TMEM38A: variants seen among roughly 807,000 people sequenced by gnomAD.
The protein encoded by TMEM38A is transmembrane protein 38A.
A neutral mutation model predicts 28.6 loss-of-function variants in TMEM38A; 17 were observed. The ratio of observed to expected loss-of-function variants is 0.60; its 90% CI spans 0.41 to 0.89. The LOEUF (loss-of-function observed/expected upper bound fraction) is 0.89. TMEM38A is among the 40% of genes least tolerant of loss of function. TMEM38A has a pLI of 0.00. For synonymous variants in TMEM38A, 169 were observed against 166.1 expected (o/e 1.02, Z -0.14); for missense variants, 328 against 393.1 (o/e 0.83, Z 1.40).
At chr19:16,674,072 C>A (rs952855680) in intron 1 of TMEM38A, among the ~76,000 whole-genome samples, 4 of 151,120 alleles carry the variant, frequency 2.6e-5, no homozygotes, top group Admixed American at 2.0e-4. Context: ...GGTGACAGAG[C>A]GAGATGCTGT....
chr19:16,664,430 A>G (rs2086694998), intron 1 of TMEM38A, among the ~76,000 whole-genome samples: 1 of 152,088 alleles, frequency 6.6e-6, no homozygotes, highest in African/African-American at 2.4e-5. Context: ...CTTGGAAAAA[A>G]GAAAGAAAGA....
intron 1 of TMEM38A, among the ~76,000 whole-genome samples, chr19:16,678,497 C>A (rs1028115310): frequency 2.7e-5 from 4 of 149,874 alleles, no homozygotes; most frequent in African/African-American, 9.8e-5. Context: ...TGGTGTCTCA[C>A]GTCTATAATC....
In TMEM38A at chr19:16,688,430, G is replaced by A; in HGVS notation, c.*59G>A. Reference sequence around the variant, plus strand: ...GGACCCAGGACCCTCTGAGCTGGGAGGCTTCCTGCGCTCAGATCTATCCTT... The same window carrying A: ...GGACCCAGGACCCTCTGAGCTGGGAAGCTTCCTGCGCTCAGATCTATCCTT... On this transcript the variant is annotated 3_prime_UTR_variant, in exon 6 of 6. Coordinates refer to ENST00000187762, the MANE Select transcript of TMEM38A (RefSeq NM_024074.4). 7.4e-7 allele frequency: 1 copy of A among 1,342,348 alleles called. No homozygotes were observed. The allele number at this position is 1,342,348 out of a possible 1,614,324, so 83.2% of individuals were successfully genotyped here.
intron 1 of TMEM38A, among the ~76,000 whole-genome samples, chr19:16,666,958 A>G (rs1042740798): frequency 1.3e-5 from 2 of 148,942 alleles, no homozygotes; most frequent in Admixed American, 1.3e-4. Flanking sequence ...ATCTCAAAAA[A>G]AAAAAAAAGA....
At chr19:16,676,739 G>A (rs1178906390) in intron 1 of TMEM38A, among the ~76,000 whole-genome samples, 1 of 146,342 alleles carries the variant, frequency 6.8e-6, no homozygotes, top group Non-Finnish European at 1.5e-5. Context: ...TACCCCGAGT[G>A]TTGCATTTTC....
At chr19:16,680,342 C>A in intron 2 of TMEM38A, 55 bp from the exon 3 acceptor site, 1 of 1,595,702 alleles carries the variant, frequency 6.3e-7, no homozygotes, top group Non-Finnish European at 8.6e-7. Context: ...AGCTCCCTAC[C>A]CCCATCCTTC....
At chr19:16,681,651 A>C (rs1227100188) in intron 3 of TMEM38A, among the ~76,000 whole-genome samples, 1 of 152,186 alleles carries the variant, frequency 6.6e-6, no homozygotes, top group Non-Finnish European at 1.5e-5. Flanking sequence ...GTCCTCAGTT[A>C]TTCCTTGCTA....
At chr19:16,673,035 A>G (rs561049185) in intron 1 of TMEM38A, among the ~76,000 whole-genome samples, 36 of 151,488 alleles carry the variant, frequency 2.4e-4, no homozygotes, top group Admixed American at 1.2e-3. Flanking sequence ...AGGTTGAAAA[A>G]CCCTGATCAA....
In TMEM38A at chr19:16,680,445, C is replaced by T. The variant is rs781028200; in HGVS notation, c.330C>T (p.Cys110=). 30 of 1,614,080 alleles carry T rather than the reference C, an allele frequency of 1.9e-5. No individual in the cohort carries two copies. In the Admixed American group the frequency reaches 3.2e-4, roughly 17 times the overall value. Residue 110 remains cysteine (C), a synonymous_variant, in exon 3 of 6, where the codon TGC becomes TGT. Transcript: ENST00000187762. ...TGGACCTCTTCTACAAGTGTGTCTG[C>T]TTCCTGCCTGTGAAACTCATCTTCG... ...CPLDLFYKCV[C]FLPVKLIFVA...
chr19:16,681,693 G>T (rs1179478101), intron 3 of TMEM38A, among the ~76,000 whole-genome samples: 1 of 152,148 alleles, frequency 6.6e-6, no homozygotes, highest in Non-Finnish European at 1.5e-5. Context: ...ATACAATGGT[G>T]AGCCACCTCC....
At chr19:16,683,761 G>A (rs1217040711) in intron 4 of TMEM38A, among the ~76,000 whole-genome samples, 15 of 151,728 alleles carry the variant, frequency 9.9e-5, no homozygotes, top group Admixed American at 9.9e-4. Flanking sequence ...ACCTGAGGTC[G>A]GCAGTTTGAG....
At chr19:16,684,945 G>A (rs1020952276) in intron 4 of TMEM38A, among the ~76,000 whole-genome samples, 1 of 151,566 alleles carries the variant, frequency 6.6e-6, no homozygotes, top group Non-Finnish European at 1.5e-5. Context: ...GCTACTTGGG[G>A]GGCTGAGGTG....
intron 4 of TMEM38A, among the ~76,000 whole-genome samples, chr19:16,684,754 T>TA (rs1344274948): frequency 2.0e-5 from 3 of 148,412 alleles, no homozygotes; most frequent in Non-Finnish European, 3.0e-5. Flanking sequence ...AGATATAGAA[T>TA]AAAATCAGCA....
chr19:16,672,517 T>C (rs1464121243), intron 1 of TMEM38A, among the ~76,000 whole-genome samples: 1 of 147,178 alleles, frequency 6.8e-6, no homozygotes, highest in East Asian at 2.0e-4. Context: ...GGTGTGACCT[T>C]GGCTCACTGC....
chr19:16,686,068 TG>T (rs1303558157), intron 4 of TMEM38A, among the ~76,000 whole-genome samples: 1 of 151,790 alleles, frequency 6.6e-6, no homozygotes, highest in East Asian at 1.9e-4. Flanking sequence ...GAGGCTGAGG[TG>T]GGAGAAACAC....
At chr19:16,675,738 A>G (rs140108667) in intron 1 of TMEM38A, among the ~76,000 whole-genome samples, 1,553 of 151,428 alleles carry the variant, frequency 0.01, 26 homozygotes, top group African/African-American at 0.036. Context: ...TAGTAGAGAC[A>G]GGGTTTCACC....
chr19:16,669,432 C>T (rs1212345119), intron 1 of TMEM38A, among the ~76,000 whole-genome samples: 1 of 151,956 alleles, frequency 6.6e-6, no homozygotes, highest in East Asian at 1.9e-4. Context: ...GTCTTGAACT[C>T]CTGACCTCAA....
chr19:16,688,064 C>G (rs908749007), intron 5 of TMEM38A, 80 bp from the exon 6 acceptor site: 79 of 1,035,918 alleles, frequency 7.6e-5, no homozygotes, highest in Non-Finnish European at 9.8e-5. Flanking sequence ...CTCTTCTCCC[C>G]ACCCTGCCCT....
chr19:16,671,502 C>G (rs942613875), intron 1 of TMEM38A, among the ~76,000 whole-genome samples: 2 of 152,104 alleles, frequency 1.3e-5, no homozygotes, highest in African/African-American at 4.8e-5. Context: ...AGCCACTGCG[C>G]CTGGCCGTCA....
Sources: allele counts gnomAD v4.1 joint callset (sites outside exome capture counted in the v4.1 genomes callset), GRCh38; gene constraint gnomAD v4.1.1; transcripts MANE v1.5; gene names NCBI Gene and HGNC (gene_info 2026-07-23, HGNC 2026-07-21).